RBMS3: variants seen among roughly 807,000 people sequenced by gnomAD.
RBMS3 encodes RNA binding motif single stranded interacting protein 3.
Under a neutral mutation model 66.8 loss-of-function variants are expected in RBMS3, and 27 were observed. The ratio of observed to expected loss-of-function variants is 0.40; its 90% CI spans 0.30 to 0.56. The LOEUF (loss-of-function observed/expected upper bound fraction) is 0.56, where lower values mean the gene tolerates loss of function less well. Ranked by LOEUF, RBMS3 falls within the 20% of genes least tolerant of loss-of-function variation. The pLI is 0.40. For missense variants in RBMS3, 513 were observed against 549.5 expected, an observed-to-expected ratio of 0.93 and a Z score of 0.66; for synonymous variants, 188 against 183.0, an observed-to-expected ratio of 1.03 and a Z score of -0.22.
chr3:29,556,503 T>C, intron 3 of RBMS3: 1 of 152,542 alleles, frequency 6.6e-6, no homozygotes, highest in Non-Finnish European at 1.5e-5. Context: ...CATGGGAGGC[T>C]GAGGCAGGAG....
At chr3:29,302,528 T>A (rs533026122) in intron 1 of RBMS3, among the ~76,000 whole-genome samples, 58 of 152,148 alleles carry the variant, frequency 3.8e-4, no homozygotes, top group Middle Eastern at 3.4e-3. Flanking sequence ...AAAAAAAATA[T>A]ATATGTATAG....
chr3:29,978,135 A>G (rs1268258790), intron 12 of RBMS3, among the ~76,000 whole-genome samples: 1 of 152,188 alleles, frequency 6.6e-6, no homozygotes, highest in Non-Finnish European at 1.5e-5. Context: ...TGTGCTCTGA[A>G]GAAAATCAAA....
At chr3:29,890,173 A>G (rs2059965591) in intron 8 of RBMS3, among the ~76,000 whole-genome samples, 1 of 151,674 alleles carries the variant, frequency 6.6e-6, no homozygotes, top group Non-Finnish European at 1.5e-5. Context: ...TTACCTTTAT[A>G]TGGTAACATT....
At chr3:29,730,034 G>T (rs2054063542) in intron 4 of RBMS3, among the ~76,000 whole-genome samples, 1 of 150,844 alleles carries the variant, frequency 6.6e-6, no homozygotes, top group African/African-American at 2.4e-5. Flanking sequence ...ACCATAAAAA[G>T]GTAAAGGTAA....
intron 6 of RBMS3, among the ~76,000 whole-genome samples, chr3:29,836,049 A>G (rs2058499404): frequency 6.6e-6 from 1 of 151,992 alleles, no homozygotes; most frequent in Admixed American, 6.6e-5. Flanking sequence ...CAAACAACCT[A>G]CAAAGTCTGA....
intron 1 of RBMS3, among the ~76,000 whole-genome samples, chr3:29,301,580 G>C (rs1056084060): frequency 6.6e-6 from 1 of 151,972 alleles, no homozygotes; most frequent in Admixed American, 6.6e-5. Context: ...GTTTTGAGGA[G>C]TTTTTGTCAG....
At chr3:29,496,204 AAAAAAAAAAG>A (rs1237475003) in intron 3 of RBMS3, among the ~76,000 whole-genome samples, 5 of 151,340 alleles carry the variant, frequency 3.3e-5, no homozygotes, top group Admixed American at 6.6e-5. Context: ...TCAAAAAAAA[AAAAAAAAAAG>A]AAAAAAAGAA....
intron 4 of RBMS3, among the ~76,000 whole-genome samples, chr3:29,600,097 G>A (rs17606300): frequency 0.057 from 8,681 of 152,014 alleles, 345 homozygotes; most frequent in Non-Finnish European, 0.084. Flanking sequence ...ATAAAGTTAC[G>A]AATTGTTGTG....
At chr3:29,658,420 T>C (rs2050400386) in intron 4 of RBMS3, among the ~76,000 whole-genome samples, 1 of 152,196 alleles carries the variant, frequency 6.6e-6, no homozygotes, top group African/African-American at 2.4e-5. Context: ...AATTTCCAGA[T>C]GATATTGATT....
chr3:29,298,825 C>G (rs1169949910), intron 1 of RBMS3, among the ~76,000 whole-genome samples: 3 of 151,974 alleles, frequency 2.0e-5, no homozygotes, highest in East Asian at 3.9e-4. Context: ...CCTATAGTTA[C>G]TAATATTTGA....
chr3:29,999,379 G>T (rs1343849970), intron 14 of RBMS3, among the ~76,000 whole-genome samples: 1 of 152,164 alleles, frequency 6.6e-6, no homozygotes, highest in Admixed American at 6.5e-5. Context: ...TCTAGAACTA[G>T]AAATACCATT....
chr3:29,751,573 A>G (rs908315005), intron 5 of RBMS3, among the ~76,000 whole-genome samples: 1 of 152,230 alleles, frequency 6.6e-6, no homozygotes, highest in African/African-American at 2.4e-5. Context: ...ACGTGCTTAA[A>G]ATGTTTTGCC....
At chr3:29,535,842 A>G (rs1401287888) in intron 3 of RBMS3, among the ~76,000 whole-genome samples, 1 of 149,230 alleles carries the variant, frequency 6.7e-6, no homozygotes, top group East Asian at 2.0e-4. Flanking sequence ...AATTTAAACA[A>G]GTGTTTTATT....
At chr3:29,349,116 G>A (rs1255526585) in intron 1 of RBMS3, among the ~76,000 whole-genome samples, 3 of 152,068 alleles carry the variant, frequency 2.0e-5, no homozygotes, top group African/African-American at 7.2e-5. Flanking sequence ...CTCCTTTGAG[G>A]CCTTTACTGT....
At chr3:29,494,292 T>A (rs1446932635) in intron 3 of RBMS3, among the ~76,000 whole-genome samples, 1 of 152,202 alleles carries the variant, frequency 6.6e-6, no homozygotes, top group Admixed American at 6.5e-5. Flanking sequence ...CCCTGTAAGT[T>A]AGGGACAGTA....
intron 3 of RBMS3, among the ~76,000 whole-genome samples, chr3:29,525,005 G>A (rs1576115036): frequency 1.3e-5 from 2 of 152,106 alleles, no homozygotes; most frequent in Non-Finnish European, 2.9e-5. Flanking sequence ...GGTGAGCTAT[G>A]ATCATGGGAC....
intron 10 of RBMS3, among the ~76,000 whole-genome samples, chr3:29,901,412 G>A (rs1238472205): frequency 6.6e-6 from 1 of 151,828 alleles, no homozygotes; most frequent in Non-Finnish European, 1.5e-5. Flanking sequence ...GCCAAAAGGA[G>A]TGCACATCTG....
chr3:29,758,558 AG>A (rs1282602701), intron 5 of RBMS3, among the ~76,000 whole-genome samples: 1 of 152,170 alleles, frequency 6.6e-6, no homozygotes, highest in Non-Finnish European at 1.5e-5. Flanking sequence ...TTTCTACAAA[AG>A]GGCATGTAAG....
chr3:29,911,948 C>T (rs1476692708), intron 10 of RBMS3, among the ~76,000 whole-genome samples: 1 of 151,608 alleles, frequency 6.6e-6, no homozygotes, highest in Non-Finnish European at 1.5e-5. Context: ...GTTATATTCA[C>T]ATGATAGAAA....
Sources: gnomAD v4.1 joint callset for allele counts (sites outside exome capture counted in the v4.1 genomes callset) on GRCh38, gnomAD v4.1.1 for gene constraint, MANE v1.5 for transcripts, NCBI Gene and HGNC (gene_info 2026-07-23, HGNC 2026-07-21) for gene names.